ANKS1B: variants seen among roughly 807,000 people sequenced by gnomAD.
ANKS1B encodes ankyrin repeat and sterile alpha motif domain-containing protein 1B.
Under a neutral mutation model 148.3 loss-of-function variants are expected in ANKS1B, and 36 were observed. The ratio of observed to expected loss-of-function variants is 0.24; its 90% confidence interval spans 0.19 to 0.32. The LOEUF is 0.32. Ranked by LOEUF, ANKS1B falls within the 10% of genes least tolerant of loss-of-function variation. ANKS1B has a pLI of 1.00. For synonymous variants in ANKS1B, 542 were observed against 560.8 expected (o/e 0.97, Z 0.47); for missense variants, 1,157 against 1,542.6 (o/e 0.75, Z 4.19).
rs192449544 is a variant in ANKS1B, at chr12:99,398,100, G to A, written c.1756+1531C>T. 6.0e-4 allele frequency among the ~76,000 whole-genome samples: 91 copies of A among 152,194 alleles called. 1 individual carries two copies. The highest frequency in any genetic ancestry group is 2.0e-3 in the African/African-American group (85 of 41,548). On this transcript the variant is annotated intron_variant, in intron 12 of 26. Coordinates refer to ENST00000683438, the MANE Select transcript of ANKS1B (RefSeq NM_001352186.2). ...AGGAGTTGGGTTTTATTCTAAGTGC[G>A]ATTAGAAGACATGGGAACATTTTAA... is the stretch of plus-strand genomic sequence containing the variant.
intron 14 of ANKS1B, among the ~76,000 whole-genome samples, chr12:99,239,941 C>G (rs1032052839): frequency 6.6e-6 from 1 of 152,136 alleles, no homozygotes; most frequent in Admixed American, 6.6e-5. Context: ...AAGGAACAAC[C>G]GGTACCAGCC....
chr12:99,967,235 A>G (rs1439706419), intron 1 of ANKS1B, among the ~76,000 whole-genome samples: 2 of 152,178 alleles, frequency 1.3e-5, no homozygotes, highest in Non-Finnish European at 2.9e-5. Flanking sequence ...TGTAATAGGC[A>G]CTGTGATAGA....
At chr12:99,677,742 G>A (rs1445958532) in intron 8 of ANKS1B, among the ~76,000 whole-genome samples, 3 of 152,210 alleles carry the variant, frequency 2.0e-5, no homozygotes, top group Non-Finnish European at 4.4e-5. Flanking sequence ...GGGAGGCTGA[G>A]GCTGGCAGAT....
intron 9 of ANKS1B, among the ~76,000 whole-genome samples, chr12:99,612,149 CAA>C (rs1001528961): frequency 1.3e-5 from 2 of 152,056 alleles, no homozygotes; most frequent in African/African-American, 4.8e-5. Flanking sequence ...CCAAGCAATG[CAA>C]AGTCATGACA....
intron 12 of ANKS1B, among the ~76,000 whole-genome samples, chr12:99,327,629 C>T (rs1436206399): frequency 2.0e-5 from 3 of 148,574 alleles, no homozygotes; most frequent in East Asian, 1.9e-4. Context: ...TATATGTATC[C>T]CCCCCATATA....
Position 98,909,177 on chromosome 12 carries a change from A to G in ANKS1B, c.2779-77041T>C, listed in dbSNP as rs116519693. 4.6e-3 allele frequency among the ~76,000 whole-genome samples: 693 copies of G among 152,238 alleles called. 7 individuals carry two copies. The highest frequency in any genetic ancestry group is 0.016 in the African/African-American group (678 of 41,540). ...TTTCTGGAGGGTATAACAGCAGTATATTGTTATATTGTATATATATGTATA... is the reference window on the plus strand; with the variant it reads ...TTTCTGGAGGGTATAACAGCAGTATGTTGTTATATTGTATATATATGTATA... On this transcript the variant is annotated intron_variant, in intron 17 of 26. Transcript: ENST00000683438.
chr12:99,749,952 C>T (rs1278194907), intron 8 of ANKS1B, among the ~76,000 whole-genome samples: 1 of 151,982 alleles, frequency 6.6e-6, no homozygotes, highest in Non-Finnish European at 1.5e-5. Context: ...AAAAATAGTA[C>T]AACCAGATAT....
intron 17 of ANKS1B, among the ~76,000 whole-genome samples, chr12:99,025,858 T>C (rs1337401262): frequency 6.6e-6 from 1 of 152,204 alleles, no homozygotes; most frequent in Admixed American, 6.5e-5. Context: ...TGCTTCTCAG[T>C]GTCAATAAGG....
Position 99,581,080 on chromosome 12 carries a change from C to T in ANKS1B, c.1272+73987G>A, listed in dbSNP as rs115584869. On this transcript the variant is annotated intron_variant, in intron 9 of 26. Coordinates refer to ENST00000683438, the MANE Select transcript of ANKS1B (RefSeq NM_001352186.2). ...GCTGATTCTAAGATAAATAAGGAAA[C>T]GCAAAGTACCTAGAACAACCAGAAC... Among the ~76,000 whole-genome samples, 455 of 151,888 alleles carry T rather than the reference C, an allele frequency of 3.0e-3. 1 individual carries two copies. Among genetic ancestry groups the T allele is most frequent in the African/African-American group, 9.8e-3 (408 of 41,426 alleles).
chr12:99,024,920 A>G (rs955711252), intron 17 of ANKS1B, among the ~76,000 whole-genome samples: 2 of 152,136 alleles, frequency 1.3e-5, no homozygotes, highest in Non-Finnish European at 2.9e-5. Context: ...AAACTAACCA[A>G]TTCTAAGAAG....
chr12:99,699,531 T>C (rs2054480187), intron 8 of ANKS1B, among the ~76,000 whole-genome samples: 1 of 152,098 alleles, frequency 6.6e-6, no homozygotes, highest in African/African-American at 2.4e-5. Flanking sequence ...GGTTGCACAA[T>C]AAATATTGAC....
intron 10 of ANKS1B, among the ~76,000 whole-genome samples, chr12:99,484,761 TGTG>T (rs1197995824): frequency 1.5e-4 from 18 of 122,716 alleles, no homozygotes; most frequent in African/African-American, 7.1e-4. Context: ...TGTGTGTGTG[TGTG>T]TTTTTTTTTT....
At chr12:99,841,326 A>G (rs2085713355) in intron 1 of ANKS1B, among the ~76,000 whole-genome samples, 1 of 151,996 alleles carries the variant, frequency 6.6e-6, no homozygotes, top group South Asian at 2.1e-4. Flanking sequence ...ACATTAACAT[A>G]TTTAATGTCG....
rs114167135 is a variant in ANKS1B, at chr12:99,853,488, C to A, written c.135-28099G>T. Among the ~76,000 whole-genome samples the A allele has an allele frequency of 7.8e-3, 1,182 of 152,194 alleles. 13 individuals are homozygous for A. Among genetic ancestry groups the A allele is most frequent in the African/African-American group, 0.027 (1,117 of 41,492 alleles). ...GACTAGATTCAGAAGAGAAATAACC[C>A]TCACTGCAGTTTGGCTCTCAGGAAT... On this transcript the variant is annotated intron_variant, in intron 1 of 26. Transcript: ENST00000683438.
At chr12:99,242,174 T>C (rs896586658) in intron 14 of ANKS1B, among the ~76,000 whole-genome samples, 48 of 152,216 alleles carry the variant, frequency 3.2e-4, no homozygotes, top group African/African-American at 1.1e-3. Flanking sequence ...CTCCTTAAGC[T>C]GATAAGCAAC....
chr12:98,831,310 GATTCTCT>G, intron 18 of ANKS1B: 1 of 152,260 alleles, frequency 6.6e-6, no homozygotes, highest in East Asian at 1.9e-4. Flanking sequence ...TAAGGTTTTA[GATTCTCT>G]ATTCTGAATT....
chr12:99,156,976 A>G (rs554008575), intron 14 of ANKS1B, among the ~76,000 whole-genome samples: 1 of 152,350 alleles, frequency 6.6e-6, no homozygotes, highest in East Asian at 1.9e-4. Context: ...TTAAAATAAG[A>G]TAACTTGTTT....
At chr12:99,590,362 G>A (rs1259693430) in intron 9 of ANKS1B, among the ~76,000 whole-genome samples, 1 of 151,574 alleles carries the variant, frequency 6.6e-6, no homozygotes, top group Non-Finnish European at 1.5e-5. Context: ...CCGGTCTAAT[G>A]GGGAAGGTAC....
At chr12:98,923,753 CTT>C (rs1218575151) in intron 17 of ANKS1B, among the ~76,000 whole-genome samples, 2 of 152,268 alleles carry the variant, frequency 1.3e-5, no homozygotes, top group East Asian at 3.9e-4. Context: ...AAAGGTAGGA[CTT>C]TGTTTCAGCA....
Sources: gnomAD v4.1 joint callset for allele counts (sites outside exome capture counted in the v4.1 genomes callset) on GRCh38, gnomAD v4.1.1 for gene constraint, MANE v1.5 for transcripts, NCBI Gene and HGNC (gene_info 2026-07-23, HGNC 2026-07-21) for gene names.